The following CACNA1A variants were observed in gnomAD, a reference collection of about 807,000 sequenced individuals.
The protein encoded by CACNA1A is voltage-dependent P/Q-type calcium channel subunit alpha-1A.
Under a neutral mutation model 262.4 loss-of-function variants are expected in CACNA1A, and 57 were observed. That is an observed-to-expected ratio of 0.22 (90% CI 0.18 to 0.27). The LOEUF is 0.27. Among genes scored for constraint, CACNA1A ranks in the 10% least tolerant of loss-of-function variants. The pLI is 1.00. For synonymous variants in CACNA1A, 1,431 were observed against 1,419.3 expected, an observed-to-expected ratio of 1.01 and a Z score of -0.18; for missense variants, 2,526 against 3,562.8, an observed-to-expected ratio of 0.71 and a Z score of 7.41.
intron 30 of CACNA1A, among the ~76,000 whole-genome samples, chr19:13,247,413 G>T (rs958914274): frequency 2.0e-5 from 3 of 152,206 alleles, no homozygotes; most frequent in African/African-American, 7.2e-5. Flanking sequence ...AATTCAGGGG[G>T]CCGGGCGCGG....
intron 24 of CACNA1A, 43 bp from the exon 25 acceptor site, chr19:13,262,876 C>T: frequency 7.0e-7 from 1 of 1,419,446 alleles, no homozygotes; most frequent in South Asian, 1.2e-5. Flanking sequence ...AGAGAGGAAG[C>T]AGAGGTCAGG....
At chr19:13,504,966 A>T (rs1384572089) in intron 1 of CACNA1A, among the ~76,000 whole-genome samples, 1 of 143,668 alleles carries the variant, frequency 7.0e-6, no homozygotes, top group Admixed American at 6.9e-5. Context: ...ATCTTTGATT[A>T]AAAAAAAAAA....
intron 10 of CACNA1A, among the ~76,000 whole-genome samples, chr19:13,327,848 C>T (rs893934711): frequency 6.6e-6 from 1 of 152,146 alleles, no homozygotes; most frequent in African/African-American, 2.4e-5. Flanking sequence ...GCTGGGATTA[C>T]AGGCGTGAGC....
At chr19:13,442,536 A>T (rs912344225) in intron 3 of CACNA1A, among the ~76,000 whole-genome samples, 4 of 152,232 alleles carry the variant, frequency 2.6e-5, no homozygotes, top group African/African-American at 9.7e-5. Context: ...AATTTGTAGC[A>T]TCTATCACAT....
At chr19:13,463,429 G>A (rs1038165424) in intron 1 of CACNA1A, among the ~76,000 whole-genome samples, 5 of 152,066 alleles carry the variant, frequency 3.3e-5, no homozygotes, top group Admixed American at 6.6e-5. Context: ...CTCTCCACTC[G>A]CTGATCAGCC....
chr19:13,357,943 G>A (rs2145237558), intron 6 of CACNA1A, among the ~76,000 whole-genome samples: 1 of 151,944 alleles, frequency 6.6e-6, no homozygotes, highest in Admixed American at 6.6e-5. Context: ...GGAGTTTAAG[G>A]CTGCAGTGAG....
At chr19:13,324,632 C>A (rs1462844349) in intron 10 of CACNA1A, among the ~76,000 whole-genome samples, 1 of 152,098 alleles carries the variant, frequency 6.6e-6, no homozygotes, top group African/African-American at 2.4e-5. Flanking sequence ...CTTTGGGAAG[C>A]CAGGGCAGGA....
At chr19:13,438,897 C>A (rs1021928223) in intron 3 of CACNA1A, among the ~76,000 whole-genome samples, 1 of 152,102 alleles carries the variant, frequency 6.6e-6, no homozygotes, top group Non-Finnish European at 1.5e-5. Flanking sequence ...CGCCACCACA[C>A]CCGACTAATT....
chr19:13,270,908 C>A (rs1277448555), intron 24 of CACNA1A, among the ~76,000 whole-genome samples: 2 of 152,228 alleles, frequency 1.3e-5, no homozygotes, highest in Admixed American at 6.5e-5. Flanking sequence ...CAAAATCTCA[C>A]ACCTCCCAGT....
At chr19:13,347,547 C>T (rs991231642) in intron 6 of CACNA1A, among the ~76,000 whole-genome samples, 1 of 152,196 alleles carries the variant, frequency 6.6e-6, no homozygotes, top group Non-Finnish European at 1.5e-5. Flanking sequence ...TGGCCCACAG[C>T]CATGCTCATT....
chr19:13,438,182 G>C (rs1373954125), intron 3 of CACNA1A, among the ~76,000 whole-genome samples: 1 of 152,158 alleles, frequency 6.6e-6, no homozygotes, highest in Non-Finnish European at 1.5e-5. Flanking sequence ...TGAGGGTCAG[G>C]GATGGAAAGG....
rs2057932233 is a variant in CACNA1A, at chr19:13,307,654, G to C, written c.1986+128C>G. On this transcript the variant is annotated intron_variant, in intron 15 of 46. Transcript: ENST00000360228. ...GAATAATGATAACCATAAAATCTGT[G>C]TTTCAAAGTGGTGTGAAAAGGCCAG... The C allele has an allele frequency of 5.7e-6, 4 of 701,004 alleles. No homozygotes were observed. The South Asian group carries it at 7.0e-5, about 12-fold the overall frequency. The allele number at this position is 701,004 out of a possible 1,614,324, so 43.4% of individuals were successfully genotyped here. A position where few individuals can be genotyped will look rare whatever the true frequency, so the allele number is the denominator to read the frequency against.
chr19:13,502,226 G>C (rs1254611983), intron 1 of CACNA1A, among the ~76,000 whole-genome samples: 1 of 151,176 alleles, frequency 6.6e-6, no homozygotes, highest in African/African-American at 2.4e-5. Flanking sequence ...TCAAAGTGAT[G>C]TCACCTGATG....
chr19:13,305,245 C>T (rs932808601), intron 15 of CACNA1A, among the ~76,000 whole-genome samples: 1 of 152,120 alleles, frequency 6.6e-6, no homozygotes, highest in African/African-American at 2.4e-5. Flanking sequence ...ATTTATCCAC[C>T]AACGGCTGCT....
chr19:13,309,393 A>C (rs1215598826), intron 12 of CACNA1A, among the ~76,000 whole-genome samples: 1 of 151,904 alleles, frequency 6.6e-6, no homozygotes, highest in African/African-American at 2.4e-5. Flanking sequence ...ACTACTACCT[A>C]TGTCAACAAT....
rs1448536369 is a variant in CACNA1A at position 13,320,236 on chromosome 19, TCGAGAG to T, written c.1346-2921_1346-2916del. 5.3e-3 allele frequency among the ~76,000 whole-genome samples: 388 copies of T among 73,534 alleles called. 1 individual carries two copies. The highest frequency in any genetic ancestry group is 0.019 in the African/African-American group (378 of 19,664). 48.2% of individuals were successfully genotyped at this position (73,534 alleles called of 152,430 possible). A position where few individuals can be genotyped will look rare whatever the true frequency, so the allele number is the denominator to read the frequency against. ...GGGGACAGGGGGGATGTTCCACAGA[TCGAGAG>T]AGAGAGAGAGAGAGAGAGAGAGAGA... On this transcript the variant is annotated intron_variant, in intron 10 of 46. Transcript: ENST00000360228.
At chr19:13,314,361 T>C (rs1454172764) in intron 11 of CACNA1A, among the ~76,000 whole-genome samples, 4 of 152,210 alleles carry the variant, frequency 2.6e-5, no homozygotes, top group East Asian at 1.9e-4. Flanking sequence ...AAAATTCACG[T>C]TGAAACTTAA....
At chr19:13,481,432 C>T (rs373904358) in intron 1 of CACNA1A, among the ~76,000 whole-genome samples, 2 of 152,202 alleles carry the variant, frequency 1.3e-5, no homozygotes, top group South Asian at 4.1e-4. Flanking sequence ...GTTGCTCTTC[C>T]GTTCTCCATG....
chr19:13,413,337 A>C (rs1599397642), intron 3 of CACNA1A, among the ~76,000 whole-genome samples: 1 of 150,394 alleles, frequency 6.6e-6, no homozygotes. Context: ...CAATCTCCTG[A>C]CCTCGTGATC....
Sources: allele counts gnomAD v4.1 joint callset (sites outside exome capture counted in the v4.1 genomes callset), GRCh38; gene constraint gnomAD v4.1.1; transcripts MANE v1.5; gene names NCBI Gene and HGNC (gene_info 2026-07-23, HGNC 2026-07-21).